Variants in GHRH observed in about 807,000 individuals in gnomAD.
GHRH encodes growth hormone releasing hormone.
Under a neutral mutation model 15.6 loss-of-function variants are expected in GHRH, and 7 were observed. The ratio of observed to expected loss-of-function variants is 0.45; its 90% CI spans 0.26 to 0.84. The LOEUF (loss-of-function observed/expected upper bound fraction) is 0.84. GHRH is among the 40% of genes least tolerant of loss of function. The probability of loss-of-function intolerance (pLI) is 0.18; values close to 1 mark genes in which losing one functional copy is unlikely to be tolerated. For synonymous variants in GHRH, 54 were observed against 50.4 expected (o/e 1.07, Z -0.30); for missense variants, 117 against 138.0 (o/e 0.85, Z 0.76).
rs2146750348 is a variant in GHRH at position 37,256,866 on chromosome 20, AAAG to A, written c.21_23del (p.Phe8del). ...AGCTGTTGCTGAGGGTGAGGATCACAAAGAAGAACACCCAGAGTGGCATCCTTC... is the reference window on the plus strand; with the variant it reads ...AGCTGTTGCTGAGGGTGAGGATCACAAAGAACACCCAGAGTGGCATCCTTC... On this transcript the variant is annotated inframe_deletion, in exon 2 of 5. Transcript: ENST00000373614. 1.2e-6 allele frequency: 2 copies of A among 1,612,516 alleles called. No individual in the cohort carries two copies. Among genetic ancestry groups the A allele is most frequent in the Non-Finnish European group, 1.7e-6 (2 of 1,179,398 alleles).
Position 37,258,357 on chromosome 20 carries a change from G to T in GHRH, c.-19-1449C>A, listed in dbSNP as rs887450363. Among the ~76,000 whole-genome samples the T allele has an allele frequency of 6.6e-6, 1 of 152,160 alleles. No individual in the cohort carries two copies. Among genetic ancestry groups the T allele is most frequent in the African/African-American group, 2.4e-5 (1 of 41,428 alleles). On this transcript the variant is annotated intron_variant, in intron 1 of 4. Coordinates refer to ENST00000373614, the MANE Select transcript of GHRH (RefSeq NM_021081.6). This position sits in a 1 kb window ranked among gnomAD's most constrained non-coding sequence, Gnocchi z 4.1. Reference sequence around the variant, plus strand: ...GCCTTTCCCACAATCTCCTCACATGGCTTCCTTCTCTCCCACTCCTGGGTC... The same window carrying T: ...GCCTTTCCCACAATCTCCTCACATGTCTTCCTTCTCTCCCACTCCTGGGTC...
intron 4 of GHRH, 85 bp downstream of exon 4, chr20:37,254,125 G>A: frequency 7.1e-7 from 1 of 1,403,312 alleles, no homozygotes; most frequent in Non-Finnish European, 1.0e-6. Flanking sequence ...CCTTCAGAGA[G>A]GAGTGGATTT....
intron 1 of GHRH, 80 bp downstream of exon 1, chr20:37,261,663 C>T (rs1436324200): frequency 6.6e-6 from 1 of 152,258 alleles, no homozygotes; most frequent in Admixed American, 6.5e-5. Context: ...GCCTCTTGGA[C>T]TCAGTGTTTC....
At chr20:37,255,865 A>G (rs1237776002) in intron 3 of GHRH, among the ~76,000 whole-genome samples, 2 of 152,018 alleles carry the variant, frequency 1.3e-5, no homozygotes, top group African/African-American at 4.8e-5. Context: ...CCCCATCTCT[A>G]CAAAAAATAA....
intron 1 of GHRH, 142 bp from the exon 2 acceptor site, chr20:37,257,050 A>G (rs2068661430): frequency 1.6e-6 from 1 of 633,568 alleles, no homozygotes; most frequent in Non-Finnish European, 2.8e-6. Context: ...GAACCCAGAC[A>G]CTGGAAGTCA....
intron 1 of GHRH, among the ~76,000 whole-genome samples, chr20:37,259,946 G>A (rs2068678833): frequency 6.6e-6 from 1 of 152,100 alleles, no homozygotes; most frequent in South Asian, 2.1e-4. Flanking sequence ...ACGTGGGAAA[G>A]GGTCTGAAAA....
At chr20:37,260,333 A>G (rs1480040786) in intron 1 of GHRH, among the ~76,000 whole-genome samples, 1 of 151,966 alleles carries the variant, frequency 6.6e-6, no homozygotes, top group East Asian at 1.9e-4. Flanking sequence ...GATAAGAAGA[A>G]TAGAGGTTAT....
chr20:37,258,227 C>T lies in GHRH; in HGVS notation c.-19-1319G>A, dbSNP rs1194289879. ...GACTTGGCCACCTAGGAATTGGGTC[C>T]TCCCATCTCCCATGGGTTTCTCCCT... On this transcript the variant is annotated intron_variant, in intron 1 of 4. Transcript: ENST00000373614. This position sits in a 1 kb window ranked among gnomAD's most constrained non-coding sequence, Gnocchi z 4.1. Among the ~76,000 whole-genome samples, 2 of 152,204 alleles carry T rather than the reference C, an allele frequency of 1.3e-5. No homozygotes were observed. Among genetic ancestry groups the T allele is most frequent in the African/African-American group, 2.4e-5 (1 of 41,450 alleles).
At chr20:37,251,726 A>G (rs1376673700) in intron 4 of GHRH, among the ~76,000 whole-genome samples, 1 of 152,176 alleles carries the variant, frequency 6.6e-6, no homozygotes, top group East Asian at 1.9e-4. Flanking sequence ...GGGTGGGAAG[A>G]TGGCTAAACC....
intron 1 of GHRH, among the ~76,000 whole-genome samples, chr20:37,260,517 T>G (rs1600875944): frequency 6.6e-6 from 1 of 152,054 alleles, no homozygotes. Context: ...CCCGGGAGGT[T>G]AAGGCTGCAG....
intron 2 of GHRH, 113 bp from the exon 3 acceptor site, chr20:37,256,611 C>T: frequency 2.6e-6 from 2 of 763,160 alleles, no homozygotes; most frequent in Non-Finnish European, 4.4e-6. Flanking sequence ...CTGTCCCACT[C>T]ACCCCAAGAG....
In GHRH at chr20:37,258,630, C is replaced by T. The variant is rs1177152939; in HGVS notation, c.-19-1722G>A. Reference sequence around the variant, plus strand: ...CCTCCCTCCATGACATGAGCATCCCCACAACACGCACACTGGCTGTCCTCC... The same window carrying T: ...CCTCCCTCCATGACATGAGCATCCCTACAACACGCACACTGGCTGTCCTCC... On this transcript the variant is annotated intron_variant, in intron 1 of 4. Coordinates refer to ENST00000373614, the MANE Select transcript of GHRH (RefSeq NM_021081.6). This position sits in a 1 kb window ranked among gnomAD's most constrained non-coding sequence, Gnocchi z 4.1. Among the ~76,000 whole-genome samples the T allele has an allele frequency of 6.6e-6, 1 of 152,208 alleles. No individual in the cohort carries two copies. The highest frequency in any genetic ancestry group is 2.4e-5 in the African/African-American group (1 of 41,448).
intron 3 of GHRH, among the ~76,000 whole-genome samples, chr20:37,255,474 C>T (rs1031851047): frequency 6.6e-6 from 1 of 151,378 alleles, no homozygotes; most frequent in Non-Finnish European, 1.5e-5. Flanking sequence ...TCCTGGCTAA[C>T]ATGGTGAAAC....
At chr20:37,260,412 A>AAAC (rs1362506833) in intron 1 of GHRH, among the ~76,000 whole-genome samples, 22 of 150,228 alleles carry the variant, frequency 1.5e-4, no homozygotes, top group African/African-American at 5.2e-4. Flanking sequence ...AAAAAAAAAC[A>AAAC]CACAAAACAA....
intron 3 of GHRH, among the ~76,000 whole-genome samples, chr20:37,255,076 G>C (rs1158067588): frequency 6.6e-6 from 1 of 152,046 alleles, no homozygotes; most frequent in Non-Finnish European, 1.5e-5. Flanking sequence ...AAGGGTAAAG[G>C]GTCATGATGA....
intron 4 of GHRH, among the ~76,000 whole-genome samples, chr20:37,253,891 C>T (rs1200496541): frequency 1.3e-5 from 2 of 151,868 alleles, no homozygotes; most frequent in African/African-American, 4.9e-5. Flanking sequence ...GCTGGGATTA[C>T]AGGCGTGAGC....
intron 4 of GHRH, among the ~76,000 whole-genome samples, chr20:37,252,056 G>A (rs1183142605): frequency 1.3e-5 from 2 of 152,216 alleles, no homozygotes; most frequent in African/African-American, 2.4e-5. Context: ...GGCCTGATGA[G>A]AGCCATAGCA....
intron 1 of GHRH, among the ~76,000 whole-genome samples, 163 bp downstream of exon 1, chr20:37,261,580 A>G (rs112891554): frequency 0.013 from 1,920 of 152,262 alleles, 19 homozygotes; most frequent in Non-Finnish European, 0.021. Context: ...CAGAGCCCCT[A>G]TTGAGGGGTG....
Position 37,251,226 on chromosome 20 carries a change from T to C in GHRH, c.314A>G (p.Asn105Ser). Residue 105 changes from asparagine (N) to serine (S), a missense_variant, in exon 5 of 5, where the codon AAC becomes AGC. Transcript: ENST00000373614. ...LVALLQKHSR[N>S]SQG ...CAGGAGGAATCTTCATCCCTGGGAG[T>C]TCCTGCTGCAGAAAGAAAGATCAAG... is the stretch of plus-strand genomic sequence containing the variant. 6.3e-7 allele frequency: 1 copy of C among 1,596,810 alleles called. No individual in the cohort carries two copies. Among genetic ancestry groups the C allele is most frequent in the South Asian group, 1.1e-5 (1 of 88,164 alleles).
Sources: gnomAD v4.1 joint callset for allele counts (sites outside exome capture counted in the v4.1 genomes callset) on GRCh38, gnomAD v4.1.1 for gene constraint, Gnocchi (gnomAD v3.1) non-coding constraint, MANE v1.5 for transcripts, NCBI Gene and HGNC (gene_info 2026-07-23, HGNC 2026-07-21) for gene names.